PRKG1: variants seen among roughly 807,000 people sequenced by gnomAD.
PRKG1 encodes the protein cGMP-dependent protein kinase 1.
Under a neutral mutation model 88.1 loss-of-function variants are expected in PRKG1, and 35 were observed. The ratio of observed to expected loss-of-function variants is 0.40; its 90% CI spans 0.30 to 0.53. PRKG1 has a LOEUF of 0.53. Among genes scored for constraint, PRKG1 ranks in the 20% least tolerant of loss-of-function variants. The pLI, the probability that PRKG1 is intolerant of heterozygous loss-of-function variation, is 0.59. For missense variants in PRKG1, 540 were observed against 839.8 expected (o/e 0.64, Z 4.41); for synonymous variants, 303 against 292.5 (o/e 1.04, Z -0.37).
intron 3 of PRKG1, among the ~76,000 whole-genome samples, chr10:51,566,994 T>G (rs1019505533): frequency 2.0e-5 from 3 of 152,018 alleles, no homozygotes; most frequent in African/African-American, 4.8e-5. Flanking sequence ...GATAATATGT[T>G]AATTAGTTTA....
rs561283383 is a variant in PRKG1 at position 52,137,231 on chromosome 10, G to A, written c.1001+3326G>A. ...AACATTATTGTAACTAATCATGCAT[G>A]TCATTGACAAACCAGAAGATGATAA... On this transcript the variant is annotated intron_variant, in intron 8 of 17. Coordinates refer to ENST00000373980, the MANE Select transcript of PRKG1 (RefSeq NM_006258.4). Among the ~76,000 whole-genome samples, 57 of 152,136 alleles carry A rather than the reference G, an allele frequency of 3.7e-4. No individual in the cohort carries two copies. The Middle Eastern group carries it at 0.01, about 27-fold the overall frequency.
At chr10:51,313,670 T>C (rs1841248387) in intron 2 of PRKG1, among the ~76,000 whole-genome samples, 2 of 152,168 alleles carry the variant, frequency 1.3e-5, no homozygotes, top group Non-Finnish European at 2.9e-5. Context: ...TTGGTATCCA[T>C]AGGGGGATTG....
chr10:50,999,504 TAG>T (rs915111905), intron 1 of PRKG1, among the ~76,000 whole-genome samples: 1 of 152,224 alleles, frequency 6.6e-6, no homozygotes, highest in Non-Finnish European at 1.5e-5. Flanking sequence ...TAGTCCAATT[TAG>T]AGAGTACTTT....
intron 3 of PRKG1, among the ~76,000 whole-genome samples, chr10:51,563,462 T>C (rs1837523067): frequency 6.6e-6 from 1 of 152,162 alleles, no homozygotes; most frequent in Non-Finnish European, 1.5e-5. Flanking sequence ...TAAATGAGTT[T>C]CTCAGTGGTC....
intron 5 of PRKG1, among the ~76,000 whole-genome samples, chr10:51,934,281 A>G (rs1364027859): frequency 6.8e-6 from 1 of 146,648 alleles, no homozygotes; most frequent in Non-Finnish European, 1.5e-5. Flanking sequence ...GCCCACACAC[A>G]CGCACAGATT....
intron 7 of PRKG1, among the ~76,000 whole-genome samples, chr10:52,110,532 A>C (rs1847538428): frequency 6.6e-6 from 1 of 152,062 alleles, no homozygotes; most frequent in Admixed American, 6.5e-5. Context: ...TTCTCAATTG[A>C]GAAATTGAGG....
At chr10:51,216,918 C>T (rs2132083163) in intron 2 of PRKG1, among the ~76,000 whole-genome samples, 2 of 152,246 alleles carry the variant, frequency 1.3e-5, no homozygotes, top group Admixed American at 1.3e-4. Context: ...TCTAGACTTA[C>T]AACTTGTATA....
chr10:51,588,224 G>GCAT (rs1010500373), intron 3 of PRKG1, among the ~76,000 whole-genome samples: 1 of 151,926 alleles, frequency 6.6e-6, no homozygotes, highest in Non-Finnish European at 1.5e-5. Context: ...TTTTTTTTTA[G>GCAT]CATCATCACA....
At chr10:51,639,395 C>T (rs12250534) in intron 3 of PRKG1, among the ~76,000 whole-genome samples, 1 of 121,020 alleles carries the variant, frequency 8.3e-6, no homozygotes, top group South Asian at 2.8e-4. Context: ...GATAGTGCCA[C>T]TACACTCCAG....
At chr10:51,653,251 G>A (rs1345232423) in intron 3 of PRKG1, among the ~76,000 whole-genome samples, 1 of 152,092 alleles carries the variant, frequency 6.6e-6, no homozygotes, top group Non-Finnish European at 1.5e-5. Flanking sequence ...GGATCATATG[G>A]TAGTTCTATT....
chr10:51,375,556 A>G (rs1217463814), intron 2 of PRKG1, among the ~76,000 whole-genome samples: 3 of 152,102 alleles, frequency 2.0e-5, no homozygotes, highest in Non-Finnish European at 1.5e-5. Flanking sequence ...AAAAAGTTTC[A>G]GAACTTGGAG....
intron 10 of PRKG1, among the ~76,000 whole-genome samples, chr10:52,254,091 C>T (rs565180407): frequency 2.0e-5 from 3 of 152,130 alleles, no homozygotes; most frequent in African/African-American, 7.2e-5. Flanking sequence ...CTTTTACATA[C>T]ATTCAATGAT....
At chr10:51,299,210 T>G (rs980173452) in intron 2 of PRKG1, among the ~76,000 whole-genome samples, 3 of 151,968 alleles carry the variant, frequency 2.0e-5, no homozygotes, top group African/African-American at 7.3e-5. Context: ...TGTATTTATT[T>G]TTATATGTTT....
intron 3 of PRKG1, among the ~76,000 whole-genome samples, chr10:51,524,174 G>A (rs867110250): frequency 3.9e-5 from 6 of 152,122 alleles, no homozygotes; most frequent in Non-Finnish European, 5.9e-5. Context: ...CAGAAGCTGA[G>A]GCTGTCATGT....
At chr10:51,432,562 A>ATACT (rs1241815655) in intron 2 of PRKG1, among the ~76,000 whole-genome samples, 1 of 152,192 alleles carries the variant, frequency 6.6e-6, no homozygotes, top group Non-Finnish European at 1.5e-5. Flanking sequence ...ATTTCAAAGA[A>ATACT]TACTGCCTGG....
intron 3 of PRKG1, among the ~76,000 whole-genome samples, chr10:51,781,714 G>C (rs73347257): frequency 1.0e-3 from 154 of 152,154 alleles, no homozygotes; most frequent in African/African-American, 3.5e-3. Flanking sequence ...CACTGGAGAG[G>C]GGCAGGAAAA....
intron 4 of PRKG1, among the ~76,000 whole-genome samples, 178 bp downstream of exon 4, chr10:51,804,868 G>C (rs1015670608): frequency 8.6e-5 from 13 of 152,006 alleles, no homozygotes; most frequent in African/African-American, 2.2e-4. Context: ...TGATAAATCT[G>C]TAGAGATGTA....
At chr10:51,759,673 A>G (rs967583797) in intron 3 of PRKG1, among the ~76,000 whole-genome samples, 4 of 152,190 alleles carry the variant, frequency 2.6e-5, no homozygotes, top group Admixed American at 6.5e-5. Flanking sequence ...GTGCAAGGTT[A>G]TAGAGCTGAG....
intron 3 of PRKG1, among the ~76,000 whole-genome samples, chr10:51,576,260 A>G (rs1837883011): frequency 6.6e-6 from 1 of 151,920 alleles, no homozygotes; most frequent in Non-Finnish European, 1.5e-5. Flanking sequence ...ATACTTCGAA[A>G]CAGTTATGTG....
Sources: gnomAD v4.1 joint callset for allele counts (sites outside exome capture counted in the v4.1 genomes callset) on GRCh38, gnomAD v4.1.1 for gene constraint, MANE v1.5 for transcripts, NCBI Gene and HGNC (gene_info 2026-07-23, HGNC 2026-07-21) for gene names.